The following AGMO variants were observed in gnomAD, a reference collection of about 807,000 sequenced individuals.
The protein encoded by AGMO is glyceryl-ether monooxygenase.
A neutral mutation model predicts 60.2 loss-of-function variants in AGMO; 75 were observed. The observed-to-expected ratio is 1.25, with a 90% confidence interval of 1.03 to 1.51. The LOEUF (loss-of-function observed/expected upper bound fraction) is 1.51. Ranked by LOEUF, AGMO falls within the 40% of genes most tolerant of loss-of-function variation. The pLI is 0.00. For missense variants in AGMO, 763 were observed against 525.5 expected (o/e 1.45, Z -4.42); for synonymous variants, 261 against 177.1 (o/e 1.47, Z -3.76).
At chr7:15,288,344 A>AT (rs1394420951) in intron 12 of AGMO, among the ~76,000 whole-genome samples, 1 of 152,218 alleles carries the variant, frequency 6.6e-6, no homozygotes, top group Non-Finnish European at 1.5e-5. Context: ...ATTTATAAAT[A>AT]TAAGGTATAA....
chr7:15,547,219 G>C (rs1281514896), intron 2 of AGMO, among the ~76,000 whole-genome samples: 1 of 151,326 alleles, frequency 6.6e-6, no homozygotes, highest in South Asian at 2.1e-4. Context: ...AATGTCTCCA[G>C]ATACTTCCAA....
At chr7:15,514,797 G>A (rs1273119815) in intron 3 of AGMO, among the ~76,000 whole-genome samples, 1 of 152,154 alleles carries the variant, frequency 6.6e-6, no homozygotes, top group Non-Finnish European at 1.5e-5. Context: ...TAGAATTACT[G>A]GTTCAGGTGC....
At chr7:15,545,765 CTT>C (rs1029263141) in intron 2 of AGMO, among the ~76,000 whole-genome samples, 1 of 151,874 alleles carries the variant, frequency 6.6e-6, no homozygotes, top group South Asian at 2.1e-4. Context: ...GTATATTATT[CTT>C]TCTTTCAAGT....
chr7:15,472,164 C>T (rs935544770), intron 3 of AGMO, among the ~76,000 whole-genome samples: 3 of 151,854 alleles, frequency 2.0e-5, no homozygotes, highest in African/African-American at 7.2e-5. Context: ...GTATAAACTT[C>T]ACTCTACCTG....
chr7:15,203,311 G>A (rs1387102160), intron 12 of AGMO, among the ~76,000 whole-genome samples: 1 of 151,970 alleles, frequency 6.6e-6, no homozygotes, highest in Non-Finnish European at 1.5e-5. Context: ...GTTATGCCTT[G>A]TTATTAATCC....
At chr7:15,342,439 GC>G (rs1241159187) in intron 12 of AGMO, among the ~76,000 whole-genome samples, 1 of 151,852 alleles carries the variant, frequency 6.6e-6, no homozygotes, top group African/African-American at 2.4e-5. Context: ...AAAATCCGGT[GC>G]TAATGACTTC....
intron 3 of AGMO, among the ~76,000 whole-genome samples, chr7:15,521,541 A>C (rs1350395857): frequency 6.6e-6 from 1 of 152,228 alleles, no homozygotes; most frequent in Non-Finnish European, 1.5e-5. Context: ...GGCTGGTTCA[A>C]CATAAGCAAA....
chr7:15,418,668 T>A lies in AGMO; in HGVS notation c.514-15A>T, dbSNP rs951977733. 1.2e-5 allele frequency: 18 copies of A among 1,460,820 alleles called. No individual in the cohort carries two copies. Among genetic ancestry groups the A allele is most frequent in the Non-Finnish European group, 1.6e-5 (17 of 1,074,490 alleles). The allele number at this position is 1,460,820 out of a possible 1,614,324, so 90.5% of individuals were successfully genotyped here. On this transcript the variant is annotated splice_polypyrimidine_tract_variant and intron_variant, in intron 4 of 12. Transcript: ENST00000342526. Reference sequence around the variant, plus strand: ...GAGTAGAAAATCTGAAAGAAAAAATTAAAAAAAAATTAATTTGCATATATG... The same window carrying A: ...GAGTAGAAAATCTGAAAGAAAAAATAAAAAAAAAATTAATTTGCATATATG...
rs564552773 is a variant in AGMO, at chr7:15,382,760, G to GT, written c.1074+2685dup. Among the ~76,000 whole-genome samples, 5 of 152,090 alleles carry GT rather than the reference G, an allele frequency of 3.3e-5. No individual in the cohort carries two copies. In the East Asian group the frequency reaches 5.8e-4, roughly 18 times the overall value. ...CCGGACAAATTTAATTGAATATTCTGTTTTTTTAGAGCAGAAGACACCTAA... is the reference window on the plus strand; with the variant it reads ...CCGGACAAATTTAATTGAATATTCTGTTTTTTTTAGAGCAGAAGACACCTAA... On this transcript the variant is annotated intron_variant, in intron 10 of 12. Coordinates refer to ENST00000342526, the MANE Select transcript of AGMO (RefSeq NM_001004320.2).
At chr7:15,538,220 C>G (rs781052147) in intron 3 of AGMO, among the ~76,000 whole-genome samples, 3 of 152,026 alleles carry the variant, frequency 2.0e-5, no homozygotes, top group Admixed American at 1.3e-4. Flanking sequence ...ACTAAGAATA[C>G]AATCACAATG....
At chr7:15,375,680 G>GC (rs1222536337) in intron 10 of AGMO, among the ~76,000 whole-genome samples, 13 of 152,250 alleles carry the variant, frequency 8.5e-5, no homozygotes, top group African/African-American at 2.6e-4. Context: ...ACAGGCGTAA[G>GC]CCACTGTGCC....
intron 12 of AGMO, among the ~76,000 whole-genome samples, chr7:15,325,357 A>T (rs993148809): frequency 1.3e-5 from 2 of 152,170 alleles, no homozygotes; most frequent in Non-Finnish European, 2.9e-5. Context: ...TAATAATTTT[A>T]TTTGTAAAAT....
At chr7:15,218,045 A>G (rs1583300001) in intron 12 of AGMO, among the ~76,000 whole-genome samples, 1 of 152,110 alleles carries the variant, frequency 6.6e-6, no homozygotes, top group Non-Finnish European at 1.5e-5. Context: ...GTAAAATTGT[A>G]GAAAGAAAAT....
intron 10 of AGMO, 122 bp downstream of exon 10, chr7:15,385,324 G>T: frequency 1.6e-6 from 1 of 630,546 alleles, no homozygotes; most frequent in Non-Finnish European, 2.7e-6. Context: ...GTGAGACGTT[G>T]CCAAAATTAC....
chr7:15,131,757 A>AACACACACACAC, the AGMO span, among the ~76,000 whole-genome samples: 234 of 146,358 alleles, frequency 1.6e-3, 1 homozygote, highest in Admixed American at 4.3e-3. Context: ...CAAAGAAATT[A>AACACACACACAC]ACACACACAC....
intron 3 of AGMO, among the ~76,000 whole-genome samples, chr7:15,457,197 C>T (rs1011607842): frequency 2.0e-5 from 3 of 152,036 alleles, no homozygotes; most frequent in African/African-American, 2.4e-5. Flanking sequence ...ATACTGATTC[C>T]TTTTGTATTC....
rs1306388683 is a variant in AGMO, at chr7:15,322,719, TATAAATATATATATAA to T, written c.1263+42779_1263+42794del. 4.6e-3 allele frequency among the ~76,000 whole-genome samples: 192 copies of T among 42,120 alleles called. 8 individuals are homozygous for T. The highest frequency in any genetic ancestry group is 0.024 in the Middle Eastern group (1 of 42). 27.6% of individuals were successfully genotyped at this position (42,120 alleles called of 152,430 possible). On this transcript the variant is annotated intron_variant, in intron 12 of 12. Transcript: ENST00000342526. ...GAATATGTATAAATATATATAAATA[TATAAATATATATATAA>T]ATATATAAATATATATAAATATATA...
intron 12 of AGMO, among the ~76,000 whole-genome samples, chr7:15,349,789 G>A (rs1782169488): frequency 6.6e-6 from 1 of 152,108 alleles, no homozygotes; most frequent in Non-Finnish European, 1.5e-5. Flanking sequence ...GGTGTCAAGT[G>A]AAGTGGGGAA....
intron 3 of AGMO, among the ~76,000 whole-genome samples, chr7:15,432,524 C>G (rs1781284544): frequency 6.6e-6 from 1 of 151,222 alleles, no homozygotes; most frequent in South Asian, 2.1e-4. Flanking sequence ...GGACTTAATT[C>G]TGTATAATAA....
Sources: gnomAD v4.1 joint callset for allele counts (sites outside exome capture counted in the v4.1 genomes callset) on GRCh38, gnomAD v4.1.1 for gene constraint, MANE v1.5 for transcripts, NCBI Gene and HGNC (gene_info 2026-07-23, HGNC 2026-07-21) for gene names.